Variants in IL16 observed in about 807,000 individuals in gnomAD.
IL16 encodes interleukin 16.
Under a neutral mutation model 110.1 loss-of-function variants are expected in IL16, and 67 were observed. That is an observed-to-expected ratio of 0.61 (90% CI 0.50 to 0.75). The LOEUF (loss-of-function observed/expected upper bound fraction) is 0.75, where lower values mean the gene tolerates loss of function less well. Among genes scored for constraint, IL16 ranks in the 30% least tolerant of loss-of-function variants. The probability of loss-of-function intolerance (pLI) is 0.00; values close to 1 mark genes in which losing one functional copy is unlikely to be tolerated. For missense variants in IL16, 1,545 were observed against 1,655.0 expected (o/e 0.93, Z 1.15); for synonymous variants, 689 against 662.9 (o/e 1.04, Z -0.61).
chr15:81,282,788 C>G (rs558702965), intron 9 of IL16, 32 bp downstream of exon 9: 2 of 1,410,608 alleles, frequency 1.4e-6, no homozygotes, highest in African/African-American at 1.4e-5. Context: ...TGAATATACC[C>G]CCGACTTACA....
chr15:81,287,221 A>G (rs930467995), intron 10 of IL16, among the ~76,000 whole-genome samples: 5 of 152,214 alleles, frequency 3.3e-5, no homozygotes, highest in Non-Finnish European at 7.3e-5. Flanking sequence ...GAATATTTTT[A>G]GATTGGAAGA....
intron 13 of IL16, among the ~76,000 whole-genome samples, chr15:81,298,029 C>T (rs1567043214): frequency 6.6e-6 from 1 of 152,214 alleles, no homozygotes; most frequent in Non-Finnish European, 1.5e-5. Flanking sequence ...AATTGAGGAA[C>T]ATTCTAGCAA....
At chr15:81,186,093 A>G (rs1304219032) in intron 1 of IL16, among the ~76,000 whole-genome samples, 3 of 152,118 alleles carry the variant, frequency 2.0e-5, no homozygotes, top group Non-Finnish European at 2.9e-5. Context: ...CCAACCCCTC[A>G]GTGTGCATCC....
chr15:81,188,587 T>G (rs1466046595), intron 1 of IL16, among the ~76,000 whole-genome samples: 1 of 152,180 alleles, frequency 6.6e-6, no homozygotes, highest in Admixed American at 6.5e-5. Context: ...GGACCAGTGC[T>G]CTTTTCAATG....
chr15:81,277,556 A>G lies in IL16; in HGVS notation c.791-1261A>G, dbSNP rs1026212654. Among the ~76,000 whole-genome samples the G allele has an allele frequency of 5.9e-5, 9 of 151,276 alleles. No individual in the cohort carries two copies. In the South Asian group the frequency reaches 1.9e-3, roughly 32 times the overall value. ...ATCTCCCAGGTTCAAGTGATCCCCC[A>G]CCTCAGCCTCTGAAGTAGTTGGGAC... On this transcript the variant is annotated intron_variant, in intron 6 of 18. Transcript: ENST00000683961.
intron 1 of IL16, among the ~76,000 whole-genome samples, chr15:81,183,707 G>A (rs1403033968): frequency 6.6e-6 from 1 of 152,218 alleles, no homozygotes. Context: ...GTTGCATTAA[G>A]GCATCCGCTG....
chr15:81,228,967 T>C (rs1328722563), intron 2 of IL16, among the ~76,000 whole-genome samples: 2 of 152,206 alleles, frequency 1.3e-5, no homozygotes, highest in Non-Finnish European at 2.9e-5. Context: ...GATAACATTA[T>C]AGGCACTTAC....
upstream of IL16, among the ~76,000 whole-genome samples, chr15:81,192,210 G>A (rs868666381): frequency 2.0e-5 from 3 of 152,226 alleles, no homozygotes; most frequent in Non-Finnish European, 2.9e-5. Flanking sequence ...GGGAAATTGT[G>A]TGTGTGGAGA....
chr15:81,308,638 C>G lies in IL16; in HGVS notation c.3839C>G (p.Pro1280Arg), dbSNP rs142901525. 3.7e-6 allele frequency: 6 copies of G among 1,613,182 alleles called. No individual in the cohort carries two copies. In the African/African-American group the frequency reaches 8.0e-5, roughly 22 times the overall value. ...AASEQSETVQ[P>R]GDEILQLGGT... is the part of the protein sequence containing the mutation. ...TCAGAACAAAGTGAGACAGTCCAGCCTGGAGATGAAATCTTACAGCTGGGT... is the reference window on the plus strand; with the variant it reads ...TCAGAACAAAGTGAGACAGTCCAGCGTGGAGATGAAATCTTACAGCTGGGT... Residue 1280 changes from proline to arginine, a missense_variant, in exon 19 of 19, where the codon CCT (proline) becomes CGT (arginine). Physicochemically the swap from Pro to Arg is moderately radical, Grantham distance 103. Transcript: ENST00000683961.
At chr15:81,307,869 C>G (rs537945992) in intron 18 of IL16, among the ~76,000 whole-genome samples, 7 of 152,318 alleles carry the variant, frequency 4.6e-5, no homozygotes, top group African/African-American at 1.7e-4. Context: ...ATACACCCCT[C>G]ATAGGATTAC....
rs191468626 is a variant in IL16 at position 81,293,118 on chromosome 15, T to C, written c.1902+81T>C. 4 of 1,438,194 alleles carry C rather than the reference T, an allele frequency of 2.8e-6. No homozygotes were observed. The East Asian group carries it at 9.1e-5, about 33-fold the overall frequency. The allele number at this position is 1,438,194 out of a possible 1,614,324, so 89.1% of individuals were successfully genotyped here. A position where few individuals can be genotyped will look rare whatever the true frequency, so the allele number is the denominator to read the frequency against. On this transcript the variant is annotated intron_variant, in intron 12 of 18. Coordinates refer to ENST00000683961, the MANE Select transcript of IL16 (RefSeq NM_172217.5). Reference sequence around the variant, plus strand: ...CATGGGCAAATTAGCAAGTTAGTGTTAGCAGGGCCAGAATGAAAGTTTCTC... The same window carrying C: ...CATGGGCAAATTAGCAAGTTAGTGTCAGCAGGGCCAGAATGAAAGTTTCTC...
intron 1 of IL16, among the ~76,000 whole-genome samples, chr15:81,211,291 AC>A (rs1303998861): frequency 6.7e-6 from 1 of 149,594 alleles, no homozygotes; most frequent in Non-Finnish European, 1.5e-5. Flanking sequence ...CACTCTTGTC[AC>A]CCAGGCTGGA....
At chr15:81,260,029 C>G in intron 3 of IL16, 149 bp downstream of exon 3, 2 of 588,508 alleles carry the variant, frequency 3.4e-6, no homozygotes, top group East Asian at 5.8e-5. Context: ...CATGCTCTGG[C>G]TAGCCAGAGT....
At chr15:81,199,200 A>T (rs1299323040) in intron 1 of IL16, among the ~76,000 whole-genome samples, 1 of 152,116 alleles carries the variant, frequency 6.6e-6, no homozygotes, top group Admixed American at 6.5e-5. Context: ...GGGCAAAATA[A>T]ACAAATAGTT....
chr15:81,308,807 T>C lies in IL16; in HGVS notation c.*9T>C. ...CTGCTGGAGACTCCTAGGCAGGACATGCTGAAGCCAAAGCCAATAACACAC... is the reference window on the plus strand; with the variant it reads ...CTGCTGGAGACTCCTAGGCAGGACACGCTGAAGCCAAAGCCAATAACACAC... On this transcript the variant is annotated 3_prime_UTR_variant, in exon 19 of 19. Transcript: ENST00000683961. 6.2e-7 allele frequency: 1 copy of C among 1,606,120 alleles called. No individual in the cohort carries two copies. Among genetic ancestry groups the C allele is most frequent in the Non-Finnish European group, 8.5e-7 (1 of 1,177,170 alleles).
At chr15:81,288,521 G>A (rs1035482072) in intron 10 of IL16, among the ~76,000 whole-genome samples, 3 of 152,126 alleles carry the variant, frequency 2.0e-5, no homozygotes, top group African/African-American at 7.2e-5. Flanking sequence ...TGGCATTAAG[G>A]ACATTCTCAT....
intron 13 of IL16, among the ~76,000 whole-genome samples, chr15:81,298,174 T>C (rs969066642): frequency 6.6e-6 from 1 of 152,250 alleles, no homozygotes; most frequent in Non-Finnish European, 1.5e-5. Flanking sequence ...AGAAACAGGC[T>C]GGAGGCCTGG....
chr15:81,200,520 C>A (rs1042627946), intron 1 of IL16, among the ~76,000 whole-genome samples: 9 of 149,668 alleles, frequency 6.0e-5, no homozygotes, highest in African/African-American at 2.3e-4. Context: ...CAGGCACACG[C>A]CACCACACCT....
At chr15:81,183,075 A>G (rs1895369279) in intron 1 of IL16, among the ~76,000 whole-genome samples, 1 of 151,804 alleles carries the variant, frequency 6.6e-6, no homozygotes, top group South Asian at 2.1e-4. Flanking sequence ...AAGTGTGTGC[A>G]CACGTGTGCT....
Sources: allele counts gnomAD v4.1 joint callset (sites outside exome capture counted in the v4.1 genomes callset), GRCh38; gene constraint gnomAD v4.1.1; transcripts MANE v1.5; gene names NCBI Gene and HGNC (gene_info 2026-07-23, HGNC 2026-07-21).